IPO5: variants seen among roughly 807,000 people sequenced by gnomAD.
IPO5 encodes the protein importin-5.
Under a neutral mutation model 143.3 loss-of-function variants are expected in IPO5, and 18 were observed. That is an observed-to-expected ratio of 0.13 (90% CI 0.09 to 0.19). The LOEUF is 0.19. Ranked by LOEUF, IPO5 falls within the 10% of genes least tolerant of loss-of-function variation. The pLI, the probability that IPO5 is intolerant of heterozygous loss-of-function variation, is 1.00. For missense variants in IPO5, 1,013 were observed against 1,336.9 expected, an observed-to-expected ratio of 0.76 and a Z score of 3.78; for synonymous variants, 477 against 465.7, an observed-to-expected ratio of 1.02 and a Z score of -0.31.
intron 22 of IPO5, among the ~76,000 whole-genome samples, 166 bp from the exon 23 acceptor site, chr13:98,015,364 A>G (rs369251503): frequency 3.1e-4 from 47 of 152,132 alleles, no homozygotes; most frequent in East Asian, 3.1e-3. Flanking sequence ...TCTAACTCCA[A>G]TCTCTAAAAT....
chr13:97,966,724 A>AT (rs1885374140), intron 2 of IPO5, among the ~76,000 whole-genome samples: 1 of 152,048 alleles, frequency 6.6e-6, no homozygotes, highest in Non-Finnish European at 1.5e-5. Flanking sequence ...CTGGTCTGGG[A>AT]TTTTTCTTTG....
At chr13:97,960,726 C>G (rs1299239790) in intron 2 of IPO5, among the ~76,000 whole-genome samples, 3 of 151,814 alleles carry the variant, frequency 2.0e-5, no homozygotes, top group Non-Finnish European at 4.4e-5. Flanking sequence ...GCCCAGCTAA[C>G]TTTTGTACTT....
chr13:98,018,562 C>A lies in IPO5; in HGVS notation c.2694C>A (p.Ala898=). The part of the protein sequence containing the change: ...FDDVIEHCSP[A]SFKYAEYFLR... ...ATGTCATAGAACACTGTAGTCCAGC[C>A]TCATTTAAATACGCAGAATATTTCT... Residue 898 remains alanine, a synonymous_variant, in exon 26 of 29, where the codon GCC becomes GCA. Coordinates refer to ENST00000651721, the MANE Select transcript of IPO5 (RefSeq NM_002271.6). 6.2e-7 allele frequency: 1 copy of A among 1,614,056 alleles called. No homozygotes were observed. The highest frequency in any genetic ancestry group is 8.5e-7 in the Non-Finnish European group (1 of 1,179,956).
intron 22 of IPO5, 26 bp downstream of exon 22, chr13:98,014,240 T>C (rs767638452): frequency 6.0e-6 from 9 of 1,493,412 alleles, no homozygotes; most frequent in Non-Finnish European, 8.3e-6. Flanking sequence ...TTAAAAAATA[T>C]GTATAAGGTT....
chr13:97,968,795 G>C (rs1268003329), intron 2 of IPO5, among the ~76,000 whole-genome samples: 1 of 151,424 alleles, frequency 6.6e-6, no homozygotes, highest in East Asian at 2.0e-4. Context: ...GGTTCAAACA[G>C]TTCTCGTATC....
rs553948203 is a variant in IPO5 at position 97,984,617 on chromosome 13, T to G, written c.172-804T>G. ...ATAAATGTTTCAGTAAAAAGATTTCTCGGTGAAAAGTAATGGAGGAAAAAA... is the reference window on the plus strand; with the variant it reads ...ATAAATGTTTCAGTAAAAAGATTTCGCGGTGAAAAGTAATGGAGGAAAAAA... On this transcript the variant is annotated intron_variant, in intron 5 of 28. Transcript: ENST00000651721. Among the ~76,000 whole-genome samples, 28 of 152,320 alleles carry G rather than the reference T, an allele frequency of 1.8e-4. 1 individual carries two copies. The highest frequency in any genetic ancestry group is 6.0e-4 in the African/African-American group (25 of 41,574).
intron 5 of IPO5, among the ~76,000 whole-genome samples, chr13:97,983,903 C>G (rs752110473): frequency 6.8e-6 from 1 of 146,956 alleles, no homozygotes; most frequent in South Asian, 2.2e-4. Context: ...GCTTTTGTAA[C>G]CTGTTCTTTT....
In IPO5 at chr13:97,981,463, G is replaced by A. The variant is rs1886842303; in HGVS notation, c.91-1040G>A. On this transcript the variant is annotated intron_variant, in intron 4 of 28. Coordinates refer to ENST00000651721, the MANE Select transcript of IPO5 (RefSeq NM_002271.6). ...GTTAATATCTCATGGATGCCATGGG[G>A]CACTTAGTAAAAGGTTTAAGCTAGA... 3 of 293,470 alleles carry A rather than the reference G, an allele frequency of 1.0e-5. No individual in the cohort carries two copies. In the Admixed American group the frequency reaches 1.5e-4, roughly 15 times the overall value. The allele number at this position is 293,470 out of a possible 1,614,324, so 18.2% of individuals were successfully genotyped here.
rs543468816 is a variant in IPO5, at chr13:97,968,350, C to T, written c.-112-1373C>T. On this transcript the variant is annotated intron_variant, in intron 2 of 28. Coordinates refer to ENST00000651721, the MANE Select transcript of IPO5 (RefSeq NM_002271.6). ...CATATTCACTTGAGGAAAATGTTTA[C>T]TCTGCTGCTTTTGGGTGGAGTGTCT... is the stretch of plus-strand genomic sequence containing the variant. 1.9e-4 allele frequency among the ~76,000 whole-genome samples: 29 copies of T among 152,292 alleles called. 1 individual carries two copies. The South Asian group carries it at 6.0e-3, about 32-fold the overall frequency.
chr13:98,003,858 AGATG>A (rs1305956110), intron 16 of IPO5, among the ~76,000 whole-genome samples: 1 of 152,118 alleles, frequency 6.6e-6, no homozygotes, highest in Non-Finnish European at 1.5e-5. Context: ...AAAAAAAAAA[AGATG>A]AAAGAGAAGA....
chr13:97,957,147 G>A (rs1884516912), intron 2 of IPO5, among the ~76,000 whole-genome samples: 2 of 151,922 alleles, frequency 1.3e-5, no homozygotes, highest in African/African-American at 4.8e-5. Context: ...AGATTAAGAT[G>A]GGAGGAAGAT....
chr13:97,970,665 T>G (rs1219007428), intron 3 of IPO5, among the ~76,000 whole-genome samples: 1 of 152,106 alleles, frequency 6.6e-6, no homozygotes, highest in African/African-American at 2.4e-5. Context: ...ACGCCATATT[T>G]CAATTGGTCA....
rs71117688 is a variant in IPO5, at chr13:98,010,780, C to CTTT, written c.2055+572_2055+574dup. ...ATGCGTTTTAAAGTGAAGGATAATC[C>CTTT]TTTTTTTTTTTTTTTTTTGAGGTGG... On this transcript the variant is annotated intron_variant, in intron 20 of 28. Coordinates refer to ENST00000651721, the MANE Select transcript of IPO5 (RefSeq NM_002271.6). Among the ~76,000 whole-genome samples the CTTT allele has an allele frequency of 3.3e-4, 23 of 70,026 alleles. 5 individuals are homozygous for CTTT. Among genetic ancestry groups the CTTT allele is most frequent in the African/African-American group, 6.6e-4 (7 of 10,538 alleles). 45.9% of individuals were successfully genotyped at this position (70,026 alleles called of 152,430 possible). A position where few individuals can be genotyped will look rare whatever the true frequency, so the allele number is the denominator to read the frequency against.
intron 20 of IPO5, among the ~76,000 whole-genome samples, chr13:98,010,948 T>C (rs1042151241): frequency 6.6e-6 from 1 of 151,624 alleles, no homozygotes; most frequent in Non-Finnish European, 1.5e-5. Flanking sequence ...AGCTGGCTAC[T>C]TTTTGTATTT....
At chr13:98,017,381 G>A (rs1890192719) in intron 25 of IPO5, among the ~76,000 whole-genome samples, 1 of 151,516 alleles carries the variant, frequency 6.6e-6, no homozygotes, top group Non-Finnish European at 1.5e-5. Context: ...CGCCCAGGCT[G>A]GAGTGCAGTG....
intron 28 of IPO5, 120 bp from the exon 29 acceptor site, chr13:98,021,616 C>A: frequency 2.1e-6 from 1 of 482,552 alleles, no homozygotes; most frequent in East Asian, 3.0e-5. Flanking sequence ...TGATACTCAT[C>A]AAAATAATGT....
chr13:97,990,296 GGTT>G (rs1887701478), intron 8 of IPO5, 74 bp downstream of exon 8: 18 of 1,200,512 alleles, frequency 1.5e-5, no homozygotes, highest in South Asian at 1.2e-4. Flanking sequence ...TATATTAGGA[GGTT>G]GTTTTCACTT....
At chr13:97,956,813 T>C (rs188948965) in intron 2 of IPO5, among the ~76,000 whole-genome samples, 12 of 152,324 alleles carry the variant, frequency 7.9e-5, no homozygotes, top group Non-Finnish European at 5.9e-5. Flanking sequence ...GCTTGAATAA[T>C]AGCATCATAA....
At position 98,015,648 on chromosome 13, in the gene IPO5, T is replaced by A. The variant is rs1334222210; in HGVS notation, c.2437+7T>A. Reference sequence around the variant, plus strand: ...AATCAAGAATTACGACAAGGTAAGTTTTCCATGCTTTTATTTCTGAATATA... The same window carrying A: ...AATCAAGAATTACGACAAGGTAAGTATTCCATGCTTTTATTTCTGAATATA... On this transcript the variant is annotated splice_region_variant and intron_variant, in intron 23 of 28. Coordinates refer to ENST00000651721, the MANE Select transcript of IPO5 (RefSeq NM_002271.6). 1.3e-6 allele frequency: 2 copies of A among 1,591,196 alleles called. No individual in the cohort carries two copies. The highest frequency in any genetic ancestry group is 1.7e-6 in the Non-Finnish European group (2 of 1,162,714).
Sources: allele counts gnomAD v4.1 joint callset (sites outside exome capture counted in the v4.1 genomes callset), GRCh38; gene constraint gnomAD v4.1.1; transcripts MANE v1.5; gene names NCBI Gene and HGNC (gene_info 2026-07-23, HGNC 2026-07-21).